The following TDRD5 variants were observed in gnomAD, a reference collection of about 807,000 sequenced individuals.
TDRD5 encodes tudor domain containing 5.
In TDRD5, 41 loss-of-function variants were observed where a neutral mutation model predicts 120.6. The observed-to-expected ratio is 0.34, with a 90% CI of 0.26 to 0.44. The LOEUF (loss-of-function observed/expected upper bound fraction) is 0.44, where lower values mean the gene tolerates loss of function less well. TDRD5 is among the 20% of genes least tolerant of loss of function. TDRD5 has a pLI of 1.00. For missense variants in TDRD5, 1,006 were observed against 1,221.2 expected (o/e 0.82, Z 2.63); for synonymous variants, 430 against 433.7 (o/e 0.99, Z 0.11).
chr1:179,684,226 T>C (rs1303554500), intron 17 of TDRD5, among the ~76,000 whole-genome samples: 1 of 152,162 alleles, frequency 6.6e-6, no homozygotes, highest in African/African-American at 2.4e-5. Flanking sequence ...GGCCCCGGTG[T>C]GTGATGTTCC....
rs570135403 is a variant in TDRD5, at chr1:179,595,303, C to CT, written c.641-319dup. 2.9e-3 allele frequency among the ~76,000 whole-genome samples: 439 copies of CT among 152,204 alleles called. 2 individuals carry two copies. Among genetic ancestry groups the CT allele is most frequent in the Middle Eastern group, 0.017 (5 of 294 alleles). On this transcript the variant is annotated intron_variant, in intron 3 of 17. Coordinates refer to ENST00000444136, the MANE Select transcript of TDRD5 (RefSeq NM_001199085.3). ...TAGTGCTAAGCAGGCTCCTTGGAGACTTTTTTGTCTCCTAAATGGGATACA... is the reference window on the plus strand; with the variant it reads ...TAGTGCTAAGCAGGCTCCTTGGAGACTTTTTTTGTCTCCTAAATGGGATACA...
chr1:179,685,450 T>C (rs1680651514), intron 17 of TDRD5, among the ~76,000 whole-genome samples: 1 of 152,166 alleles, frequency 6.6e-6, no homozygotes, highest in African/African-American at 2.4e-5. Flanking sequence ...ATTGTAGCCT[T>C]GGTATAGTTT....
At chr1:179,655,926 T>C (rs1678982998) in intron 14 of TDRD5, among the ~76,000 whole-genome samples, 1 of 152,242 alleles carries the variant, frequency 6.6e-6, no homozygotes, top group South Asian at 2.1e-4. Context: ...TAAATATTCA[T>C]GTACAGGTTT....
chr1:179,601,912 T>C (rs1367935409), intron 4 of TDRD5, among the ~76,000 whole-genome samples: 1 of 152,206 alleles, frequency 6.6e-6, no homozygotes. Context: ...TTCAAGCAGT[T>C]CTCCTGTCTC....
chr1:179,663,563 G>T, intron 16 of TDRD5, 72 bp downstream of exon 16: 1 of 1,516,688 alleles, frequency 6.6e-7, no homozygotes, highest in Non-Finnish European at 8.8e-7. Context: ...AAGCAAAATT[G>T]TCTCAATTTA....
intron 12 of TDRD5, 63 bp from the exon 13 acceptor site, chr1:179,651,976 T>G (rs1678741543): frequency 1.3e-6 from 2 of 1,541,480 alleles, no homozygotes; most frequent in Non-Finnish European, 8.8e-7. Flanking sequence ...TATTAAGTGC[T>G]TTCTCGCCCT....
intron 17 of TDRD5, among the ~76,000 whole-genome samples, chr1:179,685,991 G>A (rs148404558): frequency 3.5e-4 from 53 of 152,268 alleles, no homozygotes; most frequent in African/African-American, 1.2e-3. Context: ...TCTGCAAACA[G>A]GGACAATTTG....
chr1:179,648,879 A>G (rs193188560), intron 11 of TDRD5, among the ~76,000 whole-genome samples: 2 of 152,178 alleles, frequency 1.3e-5, no homozygotes, highest in Non-Finnish European at 2.9e-5. Context: ...CTTCATTTGA[A>G]CTGTGTATCC....
Position 179,630,814 on chromosome 1 carries a change from T to A in TDRD5, c.1020T>A (p.Asn340Lys), listed in dbSNP as rs767318839. ...CACCAAAAAAATTAGGCTTCTTAAA[T>A]GTGACAGAACTTGTTGGAGCTCTTA... Reference protein sequence around the residue: ...QLSPKKLGFLNVTELVGALSD... With the variant: ...QLSPKKLGFLKVTELVGALSD... The change falls in exon 7 of 18, where the codon AAT becomes AAA. Residue 340 changes from asparagine (N) to lysine (K), a missense_variant. Transcript: ENST00000444136. 1.2e-6 allele frequency: 2 copies of A among 1,614,046 alleles called. No individual in the cohort carries two copies. Among genetic ancestry groups the A allele is most frequent in the East Asian group, 4.5e-5 (2 of 44,852 alleles).
At chr1:179,685,857 G>A (rs1273072473) in intron 17 of TDRD5, among the ~76,000 whole-genome samples, 1 of 152,142 alleles carries the variant, frequency 6.6e-6, no homozygotes, top group Non-Finnish European at 1.5e-5. Context: ...TGTTATTGGT[G>A]TATAGTAATG....
At chr1:179,671,949 G>GGCGT (rs1679875702) in intron 17 of TDRD5, among the ~76,000 whole-genome samples, 1 of 141,728 alleles carries the variant, frequency 7.1e-6, no homozygotes, top group Non-Finnish European at 1.5e-5. Flanking sequence ...AATATTCCAT[G>GGCGT]GTGTGTGTGT....
intron 17 of TDRD5, among the ~76,000 whole-genome samples, chr1:179,684,689 C>A (rs1346265395): frequency 1.3e-5 from 2 of 152,202 alleles, no homozygotes; most frequent in Admixed American, 6.5e-5. Flanking sequence ...TCCTATTTCT[C>A]CAAATCCTCT....
At chr1:179,667,273 G>C (rs1241939310) in intron 16 of TDRD5, among the ~76,000 whole-genome samples, 1 of 152,218 alleles carries the variant, frequency 6.6e-6, no homozygotes, top group Non-Finnish European at 1.5e-5. Context: ...GTGAAATTCA[G>C]AGTGAAAGCT....
rs1488965605 is a variant in TDRD5 at position 179,689,232 on chromosome 1, G to T, written c.2861-1464G>T. On this transcript the variant is annotated intron_variant, in intron 17 of 17. Coordinates refer to ENST00000444136, the MANE Select transcript of TDRD5 (RefSeq NM_001199085.3). Reference sequence around the variant, plus strand: ...ATGGTGATGTACAGATGGGGTTTTGGTGTGGATGTCCTTTCTGTTTGTTAG... The same window carrying T: ...ATGGTGATGTACAGATGGGGTTTTGTTGTGGATGTCCTTTCTGTTTGTTAG... 2.6e-5 allele frequency among the ~76,000 whole-genome samples: 4 copies of T among 151,886 alleles called. No individual in the cohort carries two copies. In the East Asian group the frequency reaches 5.8e-4, roughly 22 times the overall value.
At chr1:179,610,538 T>C (rs924448385) in intron 4 of TDRD5, among the ~76,000 whole-genome samples, 1 of 152,174 alleles carries the variant, frequency 6.6e-6, no homozygotes, top group African/African-American at 2.4e-5. Flanking sequence ...AGTGTGGTAG[T>C]GTCTTTTTTT....
chr1:179,636,480 C>T (rs1677769580), intron 9 of TDRD5, among the ~76,000 whole-genome samples: 1 of 152,180 alleles, frequency 6.6e-6, no homozygotes, highest in African/African-American at 2.4e-5. Flanking sequence ...AATTAAAATG[C>T]AGTGCTCCCT....
intron 17 of TDRD5, among the ~76,000 whole-genome samples, chr1:179,682,885 G>C (rs1680505688): frequency 6.6e-6 from 1 of 152,124 alleles, no homozygotes; most frequent in Non-Finnish European, 1.5e-5. Context: ...CCCAACGTAA[G>C]ATCTAATGAT....
At chr1:179,595,377 CT>C (rs1343045484) in intron 3 of TDRD5, among the ~76,000 whole-genome samples, 1 of 151,994 alleles carries the variant, frequency 6.6e-6, no homozygotes, top group African/African-American at 2.4e-5. Flanking sequence ...TTCAGGTGAC[CT>C]TAAGTGGACT....
At chr1:179,636,530 A>G (rs1032570948) in intron 9 of TDRD5, among the ~76,000 whole-genome samples, 8 of 152,264 alleles carry the variant, frequency 5.3e-5, no homozygotes, top group African/African-American at 1.9e-4. Context: ...ATAGCAGAAT[A>G]TTAAAGCAAG....
Sources: allele counts gnomAD v4.1 joint callset (sites outside exome capture counted in the v4.1 genomes callset), GRCh38; gene constraint gnomAD v4.1.1; transcripts MANE v1.5; gene names NCBI Gene and HGNC (gene_info 2026-07-23, HGNC 2026-07-21).